The following RHBDD1 variants were observed in gnomAD, a reference collection of about 807,000 sequenced individuals.
The protein encoded by RHBDD1 is rhomboid domain containing 1, also known as rhomboid-related protein 4.
RHBDD1 carries 38 observed loss-of-function variants against 36.3 expected under a neutral mutation model. The ratio of observed to expected loss-of-function variants is 1.05; its 90% CI spans 0.81 to 1.37. The LOEUF (loss-of-function observed/expected upper bound fraction) is 1.37. Ranked by LOEUF, RHBDD1 falls within the 40% of genes most tolerant of loss-of-function variation. The probability of loss-of-function intolerance (pLI) is 0.00; values close to 1 mark genes in which losing one functional copy is unlikely to be tolerated. For missense variants in RHBDD1, 393 were observed against 377.6 expected (o/e 1.04, Z -0.34); for synonymous variants, 151 against 136.5 (o/e 1.11, Z -0.74).
At chr2:226,980,412 G>A (rs1184501244) in intron 8 of RHBDD1, among the ~76,000 whole-genome samples, 2 of 152,182 alleles carry the variant, frequency 1.3e-5, no homozygotes, top group East Asian at 3.9e-4. Context: ...ATGCCTGGAA[G>A]AGAAAACGGG....
chr2:226,922,632 A>G (rs1218836785), intron 8 of RHBDD1, among the ~76,000 whole-genome samples: 1 of 152,082 alleles, frequency 6.6e-6, no homozygotes, highest in East Asian at 1.9e-4. Flanking sequence ...ATTGTTTAGT[A>G]AAGATTTACT....
intron 5 of RHBDD1, among the ~76,000 whole-genome samples, chr2:226,897,491 GTAATT>G (rs1335451198): frequency 6.6e-6 from 1 of 152,148 alleles, no homozygotes; most frequent in African/African-American, 2.4e-5. Context: ...CTGAATCTGG[GTAATT>G]TATAAAGAGA....
chr2:226,886,269 A>G (rs1368080894), intron 5 of RHBDD1, among the ~76,000 whole-genome samples: 2 of 152,158 alleles, frequency 1.3e-5, no homozygotes, highest in African/African-American at 4.8e-5. Flanking sequence ...TAGTTACTCA[A>G]TAAATATTTG....
chr2:226,884,173 T>G (rs1946023811), intron 5 of RHBDD1, among the ~76,000 whole-genome samples: 1 of 152,174 alleles, frequency 6.6e-6, no homozygotes, highest in Non-Finnish European at 1.5e-5. Context: ...TAGAGAGTTC[T>G]TTTTATTTGC....
Position 226,975,389 on chromosome 2 carries a change from G to A in RHBDD1, c.857-20042G>A, listed in dbSNP as rs116279553. Among the ~76,000 whole-genome samples the A allele has an allele frequency of 9.2e-3, 1,405 of 152,236 alleles. 22 individuals carry two copies. The highest frequency in any genetic ancestry group is 0.032 in the African/African-American group (1,326 of 41,540). On this transcript the variant is annotated intron_variant, in intron 8 of 8. Transcript: ENST00000392062. ...CAATTAGACCTCAATAAAGCTGGAG[G>A]TGAGGGAGGCCCGAACTCAATGACA...
intron 8 of RHBDD1, among the ~76,000 whole-genome samples, chr2:226,930,088 A>G (rs1403741267): frequency 6.6e-6 from 1 of 152,102 alleles, no homozygotes; most frequent in African/African-American, 2.4e-5. Context: ...TAATGCCTAA[A>G]GCAATCTGCA....
At chr2:226,974,400 G>A (rs1042903138) in intron 8 of RHBDD1, among the ~76,000 whole-genome samples, 1 of 151,960 alleles carries the variant, frequency 6.6e-6, no homozygotes, top group African/African-American at 2.4e-5. Flanking sequence ...ACTGGGCCTG[G>A]CTAATTTTTT....
intron 3 of RHBDD1, among the ~76,000 whole-genome samples, chr2:226,855,336 C>T (rs1188021854): frequency 6.6e-6 from 1 of 152,104 alleles, no homozygotes; most frequent in Non-Finnish European, 1.5e-5. Context: ...AGCAAGACCC[C>T]ATCTCTACAA....
At chr2:226,944,437 T>A (rs1950847396) in intron 8 of RHBDD1, among the ~76,000 whole-genome samples, 1 of 152,148 alleles carries the variant, frequency 6.6e-6, no homozygotes, top group Non-Finnish European at 1.5e-5. Context: ...AATAAGCAAT[T>A]AGGACGTTCT....
chr2:226,848,517 C>T (rs1473888848), intron 3 of RHBDD1, among the ~76,000 whole-genome samples: 1 of 152,144 alleles, frequency 6.6e-6, no homozygotes, highest in Non-Finnish European at 1.5e-5. Context: ...AAGAAAAAAG[C>T]TGGACAAACT....
the RHBDD1 span, among the ~76,000 whole-genome samples, chr2:226,824,068 T>C: frequency 3.3e-5 from 5 of 152,162 alleles, no homozygotes; most frequent in Non-Finnish European, 5.9e-5. Context: ...AGAATTATAA[T>C]TGATATACCT....
In RHBDD1 at chr2:226,939,623, A is replaced by C. The variant is rs186682329; in HGVS notation, c.856+25272A>C. ...GCTCAAATAAATCAGAGAGGACACA[A>C]ACAAATGGAAAAGCATTCCATGCTC... On this transcript the variant is annotated intron_variant, in intron 8 of 8. Transcript: ENST00000392062. Among the ~76,000 whole-genome samples the C allele has an allele frequency of 2.4e-3, 358 of 152,326 alleles. 2 individuals are homozygous for C. Among genetic ancestry groups the C allele is most frequent in the African/African-American group, 8.1e-3 (335 of 41,568 alleles).
At chr2:226,876,853 A>G (rs931505034) in intron 5 of RHBDD1, among the ~76,000 whole-genome samples, 8 of 152,234 alleles carry the variant, frequency 5.3e-5, no homozygotes, top group African/African-American at 1.9e-4. Context: ...AGTAAGCACA[A>G]TATGTGTTCA....
chr2:226,930,505 ACTTAAAT>A (rs1351994297), intron 8 of RHBDD1, among the ~76,000 whole-genome samples: 3 of 151,990 alleles, frequency 2.0e-5, no homozygotes, highest in Non-Finnish European at 4.4e-5. Context: ...TCAATTAGAG[ACTTAAAT>A]CTTAAGACCT....
intron 1 of RHBDD1, 121 bp from the exon 2 acceptor site, chr2:226,837,952 A>G (rs571684069): frequency 1.3e-5 from 2 of 152,358 alleles, no homozygotes; most frequent in Admixed American, 1.3e-4. Flanking sequence ...GTACAACTCC[A>G]CGGTAGCAAA....
intron 7 of RHBDD1, among the ~76,000 whole-genome samples, chr2:226,911,941 C>T (rs1429885186): frequency 6.6e-6 from 1 of 152,094 alleles, no homozygotes; most frequent in Non-Finnish European, 1.5e-5. Context: ...CTCCAAAATC[C>T]TAAACCATTT....
the RHBDD1 span, among the ~76,000 whole-genome samples, chr2:226,823,178 A>G: frequency 5.9e-5 from 9 of 152,156 alleles, no homozygotes; most frequent in South Asian, 2.1e-4. Context: ...TCCTGCTGCT[A>G]TGTGAGGATG....
At chr2:226,828,167 T>C in the RHBDD1 span, among the ~76,000 whole-genome samples, 1 of 152,218 alleles carries the variant, frequency 6.6e-6, no homozygotes, top group Non-Finnish European at 1.5e-5. Flanking sequence ...CTGTTTTCTG[T>C]TTCTGTAGAT....
At chr2:226,874,179 G>A (rs1945026619) in intron 5 of RHBDD1, among the ~76,000 whole-genome samples, 1 of 152,136 alleles carries the variant, frequency 6.6e-6, no homozygotes, top group Non-Finnish European at 1.5e-5. Context: ...TTCAGATTAT[G>A]ATTCAAGATG....
Sources: gnomAD v4.1 joint callset for allele counts (sites outside exome capture counted in the v4.1 genomes callset) on GRCh38, gnomAD v4.1.1 for gene constraint, MANE v1.5 for transcripts, NCBI Gene and HGNC (gene_info 2026-07-23, HGNC 2026-07-21) for gene names.